Variants in ZNF600 observed in about 807,000 individuals in gnomAD.
ZNF600 encodes zinc finger protein KR-ZNF1.
ZNF600 carries 4 observed loss-of-function variants against 7.3 expected under a neutral mutation model. The ratio of observed to expected loss-of-function variants is 0.55; its 90% CI spans 0.27 to 1.25. The LOEUF (loss-of-function observed/expected upper bound fraction) is 1.25. Among genes scored for constraint, ZNF600 ranks in the 50% most tolerant of loss-of-function variants. The probability of loss-of-function intolerance (pLI) is 0.12; values close to 1 mark genes in which losing one functional copy is unlikely to be tolerated. For missense variants in ZNF600, 911 were observed against 922.1 expected, an observed-to-expected ratio of 0.99 and a Z score of 0.16; for synonymous variants, 290 against 308.9, an observed-to-expected ratio of 0.94 and a Z score of 0.64.
chr19:52,775,034 G>A (rs1381444409), intron 2 of ZNF600, among the ~76,000 whole-genome samples: 1 of 152,098 alleles, frequency 6.6e-6, no homozygotes, highest in African/African-American at 2.4e-5. Context: ...GATGTCAAGA[G>A]TTCGAGACCA....
At chr19:52,766,091 C>T (rs776971496) in exon 4 of ZNF600, 26 of 1,614,044 alleles carry the variant, frequency 1.6e-5, no homozygotes, top group Non-Finnish European at 2.1e-5. Context: ...ACTCATTACA[C>T]TTGTAAGGTT....
intron 2 of ZNF600, among the ~76,000 whole-genome samples, chr19:52,775,385 A>C (rs1568630381): frequency 1.3e-5 from 2 of 152,194 alleles, no homozygotes; most frequent in South Asian, 4.1e-4. Context: ...CCATGTCTCT[A>C]CTAAAAATAC....
chr19:52,804,388 C>T, the ZNF600 span, among the ~76,000 whole-genome samples: 1 of 152,180 alleles, frequency 6.6e-6, no homozygotes, highest in African/African-American at 2.4e-5. Context: ...ATTCTCCCTC[C>T]TCAGCCCAGT....
At chr19:52,784,131 G>A (rs78552767) in intron 1 of ZNF600, among the ~76,000 whole-genome samples, 20,214 of 152,104 alleles carry the variant, frequency 0.13, 1,562 homozygotes, top group Admixed American at 0.23. Context: ...GCTCATCCCT[G>A]TAATCCCAGT....
intron 1 of ZNF600, among the ~76,000 whole-genome samples, chr19:52,783,510 C>T (rs1231028809): frequency 1.3e-5 from 2 of 151,886 alleles, no homozygotes; most frequent in East Asian, 2.0e-4. Context: ...TACAGGCGCC[C>T]GCCACCACGC....
At chr19:52,802,354 T>A in the ZNF600 span, among the ~76,000 whole-genome samples, 1 of 148,194 alleles carries the variant, frequency 6.7e-6, no homozygotes, top group African/African-American at 2.5e-5. Flanking sequence ...GGTGACAAAA[T>A]GAGCCTCCAT....
chr19:52,831,512 T>G, the ZNF600 span, among the ~76,000 whole-genome samples: 4 of 149,756 alleles, frequency 2.7e-5, no homozygotes, highest in East Asian at 2.0e-4. Flanking sequence ...TGTTTTTTTG[T>G]TTTTTTTTGA....
chr19:52,830,607 C>G, the ZNF600 span, among the ~76,000 whole-genome samples: 1 of 152,076 alleles, frequency 6.6e-6, no homozygotes, highest in South Asian at 2.1e-4. Flanking sequence ...GGATCATGTG[C>G]TGAGTCATGA....
At chr19:52,818,151 G>A in the ZNF600 span, 571 of 1,080,902 alleles carry the variant, frequency 5.3e-4, no homozygotes, top group South Asian at 9.8e-4. Context: ...GCTGCCTACC[G>A]CACCACGAAC....
the ZNF600 span, chr19:52,810,691 C>T: frequency 1.4e-5 from 11 of 806,730 alleles, no homozygotes; most frequent in Middle Eastern, 2.2e-4. Flanking sequence ...AGCGACATCA[C>T]GGTATTCCCC....
At chr19:52,806,078 G>A in the ZNF600 span, 2 of 152,006 alleles carry the variant, frequency 1.3e-5, no homozygotes, top group African/African-American at 4.8e-5. Context: ...AAAATAAAAG[G>A]CATGAAAAAC....
chr19:52,793,173 T>TA, the ZNF600 span, among the ~76,000 whole-genome samples: 1 of 152,218 alleles, frequency 6.6e-6, no homozygotes, highest in Non-Finnish European at 1.5e-5. Context: ...TTTGAACTAT[T>TA]ACCTCAAAAT....
chr19:52,818,937 G>T, the ZNF600 span, among the ~76,000 whole-genome samples: 1 of 137,290 alleles, frequency 7.3e-6, no homozygotes, highest in Non-Finnish European at 1.5e-5. Flanking sequence ...ACAGAGATAA[G>T]AAGACTTGAG....
In ZNF600 at chr19:52,775,055, C is replaced by T. The variant is rs534848093; in HGVS notation, c.64-354G>A. Among the ~76,000 whole-genome samples, 380 of 152,152 alleles carry T rather than the reference C, an allele frequency of 2.5e-3. 2 individuals carry two copies. The highest frequency in any genetic ancestry group is 8.4e-3 in the African/African-American group (350 of 41,508). ...AAGAGTTCGAGACCACCCTGGCCAACATGGTGAAAACCTGTCTCTACTAAA... is the reference window on the plus strand; with the variant it reads ...AAGAGTTCGAGACCACCCTGGCCAATATGGTGAAAACCTGTCTCTACTAAA... On this transcript the variant is annotated intron_variant, in intron 2 of 3. Coordinates refer to ENST00000648973, the Ensembl canonical transcript of ZNF600.
intron 2 of ZNF600, among the ~76,000 whole-genome samples, chr19:52,776,000 T>C (rs1248824248): frequency 1.4e-5 from 2 of 147,730 alleles, no homozygotes; most frequent in Non-Finnish European, 3.0e-5. Flanking sequence ...AGCAATACTC[T>C]GACTCCAAAA....
the ZNF600 span, chr19:52,799,381 T>G: frequency 1.7e-6 from 1 of 595,280 alleles, no homozygotes; most frequent in Non-Finnish European, 3.0e-6. Flanking sequence ...TGCATTTTCT[T>G]ATGTGTTTCA....
intron 1 of ZNF600, among the ~76,000 whole-genome samples, chr19:52,782,639 C>G (rs952568576): frequency 6.6e-6 from 1 of 151,912 alleles, no homozygotes; most frequent in Admixed American, 6.6e-5. Context: ...TTCGGGAGGC[C>G]GAGGCGGGTG....
At chr19:52,816,716 C>A in the ZNF600 span, among the ~76,000 whole-genome samples, 1 of 120,752 alleles carries the variant, frequency 8.3e-6, no homozygotes, top group African/African-American at 4.0e-5. Context: ...CCTATAATCC[C>A]AGCTACTAGG....
exon 4 of ZNF600, chr19:52,767,506 T>C (rs756018381): frequency 6.2e-7 from 1 of 1,614,178 alleles, no homozygotes; most frequent in Non-Finnish European, 8.5e-7. Context: ...AGCTGATCTT[T>C]AATAGGCTTG....
Sources: allele counts gnomAD v4.1 joint callset (sites outside exome capture counted in the v4.1 genomes callset), GRCh38; gene constraint gnomAD v4.1.1; transcripts MANE v1.5; gene names NCBI Gene and HGNC (gene_info 2026-07-23, HGNC 2026-07-21).